Variants in ZNF75D observed in about 807,000 individuals in gnomAD.
The protein encoded by ZNF75D is zinc finger protein 75D, also known as zinc finger protein 75.
Under a neutral mutation model 33.3 loss-of-function variants are expected in ZNF75D, and 33 were observed. That is an observed-to-expected ratio of 0.99 (90% CI 0.75 to 1.32). The LOEUF (loss-of-function observed/expected upper bound fraction) is 1.32, where lower values mean the gene tolerates loss of function less well. Among genes scored for constraint, ZNF75D ranks in the 40% most tolerant of loss-of-function variants. The pLI, the probability that ZNF75D is intolerant of heterozygous loss-of-function variation, is 0.00. For synonymous variants in ZNF75D, 113 were observed against 130.6 expected, an observed-to-expected ratio of 0.87 and a Z score of 0.92; for missense variants, 338 against 367.5, an observed-to-expected ratio of 0.92 and a Z score of 0.66.
At chrX:135,304,432 A>G (rs1445546804) in intron 1 of ZNF75D, among the ~76,000 whole-genome samples, 2 of 111,739 alleles carry the variant, frequency 1.8e-5, no homozygotes, top group African/African-American at 6.5e-5. Flanking sequence ...ACCTCTCAAC[A>G]AGAGGTGAGA....
intron 1 of ZNF75D, among the ~76,000 whole-genome samples, chrX:135,322,670 G>A (rs1457811692): frequency 8.9e-6 from 1 of 112,066 alleles, no homozygotes; most frequent in African/African-American, 3.3e-5. Context: ...GTGGAGATGA[G>A]GTAGTGTGCG....
At chrX:135,257,289 C>T (rs2083807934) in intron 1 of ZNF75D, among the ~76,000 whole-genome samples, 1 of 112,155 alleles carries the variant, frequency 8.9e-6, no homozygotes, top group East Asian at 2.8e-4. Context: ...GAGCCCACTG[C>T]CCTGCAGAGT....
At chrX:135,303,288 G>A (rs2084243888) in intron 1 of ZNF75D, among the ~76,000 whole-genome samples, 1 of 110,653 alleles carries the variant, frequency 9.0e-6, no homozygotes, top group Admixed American at 9.5e-5. Flanking sequence ...GACCCTTCAT[G>A]GGTGTCGGGC....
At chrX:135,305,158 C>A (rs1312294845) in intron 1 of ZNF75D, among the ~76,000 whole-genome samples, 3 of 111,827 alleles carry the variant, frequency 2.7e-5, no homozygotes, top group African/African-American at 9.8e-5. Context: ...TCAAATTGCC[C>A]GACACAGTCT....
At chrX:135,303,060 C>T (rs1317208890) in intron 1 of ZNF75D, among the ~76,000 whole-genome samples, 3 of 111,136 alleles carry the variant, frequency 2.7e-5, no homozygotes, top group Non-Finnish European at 3.8e-5. Context: ...GATATGTATA[C>T]ACATAAACAT....
rs1032231596 is a variant in ZNF75D, at chrX:135,259,550, T to C, written n.828-3773A>G. Among the ~76,000 whole-genome samples, 3 of 111,618 alleles carry C rather than the reference T, an allele frequency of 2.7e-5. No individual in the cohort carries two copies. In the Admixed American group the frequency reaches 2.8e-4, roughly 11 times the overall value. ...GTATTCCTAGGCATTTTATTCTCTT[T>C]GTAGCAATTGTGAATGGGGGTTCAT... On this transcript the variant is annotated intron_variant and non_coding_transcript_variant, in intron 1 of 3. Coordinates refer to the ZNF75D transcript ENST00000494295.
chrX:135,259,925 T>C (rs1354330897), intron 1 of ZNF75D, among the ~76,000 whole-genome samples: 3 of 111,993 alleles, frequency 2.7e-5, no homozygotes, highest in African/African-American at 9.7e-5. Context: ...ATATTGGCTG[T>C]GGGTTTGTCA....
chrX:135,328,849 T>A (rs2084615758), intron 1 of ZNF75D, among the ~76,000 whole-genome samples: 1 of 112,163 alleles, frequency 8.9e-6, no homozygotes, highest in Admixed American at 9.4e-5. Context: ...ATGACTTCCC[T>A]CTGACCACGC....
intron 3 of ZNF75D, 51 bp downstream of exon 3, chrX:135,293,679 T>C (rs1393025676): frequency 1.9e-6 from 2 of 1,070,830 alleles, no homozygotes; most frequent in African/African-American, 3.7e-5. Flanking sequence ...CATTCTGATA[T>C]ATCCACTTTT....
At chrX:135,332,377 G>A (rs1224335530) in intron 1 of ZNF75D, among the ~76,000 whole-genome samples, 2 of 110,894 alleles carry the variant, frequency 1.8e-5, no homozygotes, top group Non-Finnish European at 3.8e-5. Context: ...ATTAGGAGGT[G>A]GGGCCTTTGG....
intron 6 of ZNF75D, among the ~76,000 whole-genome samples, chrX:135,289,611 GACACACACACACACAGACAC>G (rs1402803189): frequency 0.024 from 1,961 of 82,050 alleles, 60 homozygotes; most frequent in African/African-American, 0.085. Context: ...GTGAGACTCT[GACACACACACACACAGACAC>G]ACACACACAC....
chrX:135,341,588 A>G (rs1556444779), intron 1 of ZNF75D, among the ~76,000 whole-genome samples, 180 bp downstream of exon 1: 1 of 112,244 alleles, frequency 8.9e-6, no homozygotes, highest in Non-Finnish European at 1.9e-5. Flanking sequence ...TCCTCATACT[A>G]TTTCCCTGAT....
chrX:135,326,001 G>C (rs1377314142), intron 1 of ZNF75D, among the ~76,000 whole-genome samples: 1 of 111,976 alleles, frequency 8.9e-6, no homozygotes, highest in Non-Finnish European at 1.9e-5. Context: ...TCTAGCTCAG[G>C]GTTTGTGAAT....
At chrX:135,294,312 A>G (rs2084092838) in intron 2 of ZNF75D, 54 bp from the exon 3 acceptor site, 6 of 361,438 alleles carry the variant, frequency 1.7e-5, no homozygotes, top group Non-Finnish European at 2.4e-5. Flanking sequence ...CATGACACAT[A>G]TTTACTTGCT....
intron 1 of ZNF75D, among the ~76,000 whole-genome samples, chrX:135,303,111 A>G (rs2084240315): frequency 1.8e-5 from 2 of 110,831 alleles, no homozygotes; most frequent in Non-Finnish European, 3.8e-5. Context: ...CGCATGTCCC[A>G]CCTCCAGCCC....
At chrX:135,267,596 CAAGT>C (rs1321786959) in intron 1 of ZNF75D, among the ~76,000 whole-genome samples, 1 of 111,250 alleles carries the variant, frequency 9.0e-6, no homozygotes, top group Non-Finnish European at 1.9e-5. Context: ...AGATCAACAA[CAAGT>C]AAGGAGCAAA....
intron 1 of ZNF75D, among the ~76,000 whole-genome samples, chrX:135,277,284 C>T (rs1470314106): frequency 8.9e-6 from 1 of 112,330 alleles, no homozygotes; most frequent in East Asian, 2.8e-4. Context: ...GCATAAATGT[C>T]TTCTTTTGAG....
At chrX:135,291,320 T>C in intron 5 of ZNF75D, 152 bp downstream of exon 5, 4 of 801,822 alleles carry the variant, frequency 5.0e-6, no homozygotes, top group Non-Finnish European at 3.6e-6. Flanking sequence ...AGGTGCCCAG[T>C]TCCCACTGTG....
chrX:135,270,770 C>T (rs1556416880), intron 1 of ZNF75D, among the ~76,000 whole-genome samples: 1 of 111,028 alleles, frequency 9.0e-6, no homozygotes, highest in East Asian at 2.8e-4. Context: ...GGACAGTGAC[C>T]CCTTCTCAAC....
Sources: allele counts gnomAD v4.1 joint callset (sites outside exome capture counted in the v4.1 genomes callset), GRCh38; gene constraint gnomAD v4.1.1; transcripts MANE v1.5; gene names NCBI Gene and HGNC (gene_info 2026-07-23, HGNC 2026-07-21).